Variants in ATP9B observed in about 807,000 individuals in gnomAD.
ATP9B encodes the protein ATPase phospholipid transporting 9B.
In ATP9B, 110 loss-of-function variants were observed where a neutral mutation model predicts 146.1. The observed-to-expected ratio is 0.75, with a 90% confidence interval of 0.65 to 0.88. ATP9B has a LOEUF of 0.88. Ranked by LOEUF, ATP9B falls within the 40% of genes least tolerant of loss-of-function variation. ATP9B has a pLI of 0.00. For missense variants in ATP9B, 1,499 were observed against 1,496.4 expected (o/e 1.00, Z -0.03); for synonymous variants, 604 against 569.7 (o/e 1.06, Z -0.86).
chr18:79,360,843 A>G (rs1430431793), intron 26 of ATP9B: 1 of 152,246 alleles, frequency 6.6e-6, no homozygotes, highest in African/African-American at 2.4e-5. Context: ...TACTATAACT[A>G]GAAGCAAGAC....
chr18:79,214,065 T>A, intron 11 of ATP9B, 27 bp downstream of exon 11: 1 of 1,511,684 alleles, frequency 6.6e-7, no homozygotes, highest in Non-Finnish European at 9.0e-7. Context: ...AGCAACTGCT[T>A]TAATGAACTT....
At chr18:79,100,104 C>T (rs2075148175) in intron 2 of ATP9B, among the ~76,000 whole-genome samples, 2 of 152,126 alleles carry the variant, frequency 1.3e-5, no homozygotes, top group South Asian at 4.2e-4. Flanking sequence ...TCCAGCCTGG[C>T]AACAGAGTGA....
intron 25 of ATP9B, among the ~76,000 whole-genome samples, chr18:79,355,117 C>A (rs1436923849): frequency 6.6e-6 from 1 of 152,228 alleles, no homozygotes; most frequent in Admixed American, 6.5e-5. Flanking sequence ...GCATGGGGAG[C>A]CTTAACCCCT....
intron 26 of ATP9B, 68 bp from the exon 27 acceptor site, chr18:79,372,757 A>C (rs927239227): frequency 4.8e-6 from 5 of 1,034,268 alleles, no homozygotes; most frequent in East Asian, 4.8e-5. Flanking sequence ...CCCATAGCTC[A>C]CTCCTGGAAG....
intron 8 of ATP9B, among the ~76,000 whole-genome samples, chr18:79,177,624 C>T (rs2095193790): frequency 6.6e-6 from 1 of 152,218 alleles, no homozygotes; most frequent in South Asian, 2.1e-4. Flanking sequence ...AAAGTACATA[C>T]ATGCTCGTGT....
Position 79,307,018 on chromosome 18 carries a change from T to C in ATP9B, c.1557T>C (p.Gly519=), listed in dbSNP as rs777081681. The C allele has an allele frequency of 1.9e-6, 3 of 1,614,182 alleles. No individual in the cohort carries two copies. The highest frequency in any genetic ancestry group is 1.1e-5 in the South Asian group (1 of 91,082). ...CTCAAGCTGGTGGAAACAATACTGG[T>C]TCAACTCCACTAAGAAAAGCCCAAT... ...MQSQAGGNNT[G]STPLRKAQSS... The change falls in exon 15 of 30, where the codon GGT becomes GGC. Residue 519 remains glycine, a synonymous_variant. Transcript: ENST00000426216.
chr18:79,142,217 C>G (rs946251663), intron 5 of ATP9B, among the ~76,000 whole-genome samples: 17 of 152,134 alleles, frequency 1.1e-4, no homozygotes, highest in African/African-American at 3.9e-4. Context: ...TAATCGTGAT[C>G]ACTATATAAT....
In ATP9B at chr18:79,336,814, A is replaced by G. The variant is rs564857575; in HGVS notation, c.2112+103A>G. ...ATGAAATTAGAGCTGGGATCGCTAT[A>G]GTCTAGGAGTGAAGGCAGCTTCGCT... On this transcript the variant is annotated intron_variant, in intron 18 of 29. Transcript: ENST00000426216. 112 of 1,211,540 alleles carry G rather than the reference A, an allele frequency of 9.2e-5. No homozygotes were observed. In the South Asian group the frequency reaches 1.5e-3, roughly 16 times the overall value. 75.0% of individuals were successfully genotyped at this position (1,211,540 alleles called of 1,614,324 possible).
At chr18:79,195,053 CA>C (rs2095406087) in intron 9 of ATP9B, among the ~76,000 whole-genome samples, 1 of 152,116 alleles carries the variant, frequency 6.6e-6, no homozygotes, top group Non-Finnish European at 1.5e-5. Context: ...AAGAAAAAGA[CA>C]AAGTTGACCT....
intron 7 of ATP9B, among the ~76,000 whole-genome samples, chr18:79,158,419 A>G (rs1383680793): frequency 1.3e-5 from 2 of 151,940 alleles, no homozygotes; most frequent in Non-Finnish European, 2.9e-5. Flanking sequence ...CCAGGTAGCT[A>G]GCAATACAGG....
At chr18:79,077,500 A>T (rs766398153) in intron 1 of ATP9B, among the ~76,000 whole-genome samples, 1 of 152,132 alleles carries the variant, frequency 6.6e-6, no homozygotes, top group African/African-American at 2.4e-5. Context: ...TAGATTTTCC[A>T]CTTTTCACTA....
chr18:79,208,177 G>T (rs1162928876), intron 10 of ATP9B, among the ~76,000 whole-genome samples: 1 of 152,158 alleles, frequency 6.6e-6, no homozygotes. Flanking sequence ...CCCGGGAGCC[G>T]GAGCTTGCAG....
chr18:79,199,186 C>T (rs920143574), intron 9 of ATP9B, among the ~76,000 whole-genome samples: 2 of 151,858 alleles, frequency 1.3e-5, no homozygotes, highest in East Asian at 2.0e-4. Flanking sequence ...CTCCTGACCT[C>T]GTGATCCATC....
At chr18:79,249,239 TTAG>T (rs2095999261) in intron 11 of ATP9B, among the ~76,000 whole-genome samples, 1 of 152,202 alleles carries the variant, frequency 6.6e-6, no homozygotes, top group Non-Finnish European at 1.5e-5. Context: ...ATCGTTGCCA[TTAG>T]TAGCATTTTA....
chr18:79,212,567 G>A (rs935482736), intron 10 of ATP9B, among the ~76,000 whole-genome samples: 3 of 152,114 alleles, frequency 2.0e-5, no homozygotes, highest in African/African-American at 7.2e-5. Context: ...TTTAACATTA[G>A]TGGGATGTTT....
At chr18:79,217,005 A>G (rs984378531) in intron 11 of ATP9B, among the ~76,000 whole-genome samples, 16 of 152,176 alleles carry the variant, frequency 1.1e-4, no homozygotes, top group Non-Finnish European at 2.2e-4. Context: ...CTAAAACTCT[A>G]CGTGTATTAT....
rs566160739 is a variant in ATP9B, at chr18:79,099,513, C to T, written c.293+2864C>T. Among the ~76,000 whole-genome samples, 30 of 152,218 alleles carry T rather than the reference C, an allele frequency of 2.0e-4. No homozygotes were observed. The South Asian group carries it at 6.0e-3, about 30-fold the overall frequency. ...TGGAATTACAGGCGTGAGCCACCGT[C>T]CCTGGGCCCAAATATTTTCTAATTT... On this transcript the variant is annotated intron_variant, in intron 2 of 29. Transcript: ENST00000426216.
chr18:79,146,880 A>G (rs560161567), intron 6 of ATP9B: 3 of 152,656 alleles, frequency 2.0e-5, no homozygotes, highest in South Asian at 4.1e-4. Context: ...TAAAATGCAG[A>G]CGTACGTTCT....
chr18:79,090,426 C>G (rs955194890), intron 1 of ATP9B, among the ~76,000 whole-genome samples: 21 of 152,308 alleles, frequency 1.4e-4, no homozygotes, highest in Admixed American at 1.1e-3. Context: ...TACATCCTTG[C>G]CAGCATTTGT....
Sources: gnomAD v4.1 joint callset for allele counts (sites outside exome capture counted in the v4.1 genomes callset) on GRCh38, gnomAD v4.1.1 for gene constraint, MANE v1.5 for transcripts, NCBI Gene and HGNC (gene_info 2026-07-23, HGNC 2026-07-21) for gene names.